ADGRD1: variants seen among roughly 807,000 people sequenced by gnomAD.
The protein encoded by ADGRD1 is adhesion G protein-coupled receptor D1.
In ADGRD1, 77 loss-of-function variants were observed where a neutral mutation model predicts 113.4. The observed-to-expected ratio is 0.68, with a 90% CI of 0.57 to 0.82. The LOEUF (loss-of-function observed/expected upper bound fraction) is 0.82. Ranked by LOEUF, ADGRD1 falls within the 40% of genes least tolerant of loss-of-function variation. ADGRD1 has a pLI of 0.00. For synonymous variants in ADGRD1, 474 were observed against 475.0 expected, an observed-to-expected ratio of 1.00 and a Z score of 0.03; for missense variants, 1,036 against 1,139.1, an observed-to-expected ratio of 0.91 and a Z score of 1.30.
intron 20 of ADGRD1, among the ~76,000 whole-genome samples, chr12:131,122,547 G>T (rs1950624303): frequency 6.6e-6 from 1 of 152,182 alleles, no homozygotes; most frequent in South Asian, 2.1e-4. Flanking sequence ...CAACCAACAT[G>T]CAAAAACGCT....
Position 130,954,446 on chromosome 12 carries a change from C to A in ADGRD1, c.-20C>A. ...CTCAGGAATTTCACTTGGCTCCGAGCTTTGACCTCCGAGAGAGCCATGGAA... is the reference window on the plus strand; with the variant it reads ...CTCAGGAATTTCACTTGGCTCCGAGATTTGACCTCCGAGAGAGCCATGGAA... On this transcript the variant is annotated 5_prime_UTR_variant, in exon 1 of 25. Coordinates refer to ENST00000261654, the MANE Select transcript of ADGRD1 (RefSeq NM_198827.5). This position sits in a 1 kb window ranked among gnomAD's most constrained non-coding sequence, Gnocchi z 4.7. 5.2e-6 allele frequency: 8 copies of A among 1,531,982 alleles called. No individual in the cohort carries two copies. The highest frequency in any genetic ancestry group is 2.6e-5 in the South Asian group (2 of 77,500). The allele number at this position is 1,531,982 out of a possible 1,614,324, so 94.9% of individuals were successfully genotyped here.
intron 4 of ADGRD1, chr12:130,977,294 G>C (rs907780802): frequency 1.3e-5 from 2 of 152,296 alleles, no homozygotes; most frequent in African/African-American, 4.8e-5. Flanking sequence ...AAAGGGGAAA[G>C]GGAAGAATTT....
intron 15 of ADGRD1, among the ~76,000 whole-genome samples, chr12:131,087,316 C>T (rs1399267200): frequency 1.3e-5 from 2 of 152,224 alleles, no homozygotes; most frequent in South Asian, 2.1e-4. Flanking sequence ...TCGGGTCCCT[C>T]GTGCACAGAC....
chr12:130,998,887 G>A (rs912544717), intron 8 of ADGRD1, among the ~76,000 whole-genome samples: 2 of 152,166 alleles, frequency 1.3e-5, no homozygotes, highest in African/African-American at 4.8e-5. Context: ...CGTGTGGCTC[G>A]TCCAACTAGA....
intron 12 of ADGRD1, among the ~76,000 whole-genome samples, chr12:131,010,370 T>C (rs1440230241): frequency 1.3e-5 from 2 of 152,222 alleles, no homozygotes; most frequent in Non-Finnish European, 2.9e-5. Flanking sequence ...TACCAGGGAA[T>C]ATTTTCATTT....
chr12:131,088,205 G>A (rs1886631986), intron 15 of ADGRD1, among the ~76,000 whole-genome samples: 1 of 152,228 alleles, frequency 6.6e-6, no homozygotes, highest in Non-Finnish European at 1.5e-5. Context: ...CTGAGCCCCA[G>A]AGAGAGGGGG....
chr12:131,129,833 A>G (rs959922441), intron 20 of ADGRD1, among the ~76,000 whole-genome samples: 3 of 152,236 alleles, frequency 2.0e-5, no homozygotes, highest in African/African-American at 7.2e-5. Flanking sequence ...GGCACCTTCC[A>G]TCTCCACCTC....
At chr12:131,093,775 C>T (rs1887072313) in intron 15 of ADGRD1, among the ~76,000 whole-genome samples, 1 of 152,248 alleles carries the variant, frequency 6.6e-6, no homozygotes, top group South Asian at 2.1e-4. Context: ...GCCTCCCAGC[C>T]AGCTGGACAC....
chr12:131,137,980 G>A (rs1456498324), intron 23 of ADGRD1, 157 bp from the exon 24 acceptor site: 2 of 649,916 alleles, frequency 3.1e-6, no homozygotes, highest in Non-Finnish European at 5.6e-6. Flanking sequence ...GAGCAGCGAT[G>A]CACAGCTCAG....
chr12:131,139,187 G>T lies in ADGRD1; in HGVS notation c.2549G>T (p.Gly850Val). Residue 850 changes from glycine to valine, a missense_variant, in exon 25 of 25, where the codon GGC becomes GTC. Coordinates refer to ENST00000261654, the MANE Select transcript of ADGRD1 (RefSeq NM_198827.5). ...TTGCAGATGAATGGGACCCGGCCAG[G>T]CATGGCCTCCACCAAGCTCAGCCCT... ...HSDLMNGTRP[G>V]MASTKLSPWD... 1 of 1,613,112 alleles carries T rather than the reference G, an allele frequency of 6.2e-7. No individual in the cohort carries two copies. The highest frequency in any genetic ancestry group is 8.5e-7 in the Non-Finnish European group (1 of 1,179,828).
intron 13 of ADGRD1, among the ~76,000 whole-genome samples, chr12:131,048,421 G>A (rs540761510): frequency 1.3e-4 from 20 of 152,166 alleles, no homozygotes; most frequent in Non-Finnish European, 2.6e-4. Context: ...CTGCACCCCC[G>A]CTGCTACAGC....
chr12:131,029,485 T>C (rs1880360054), intron 13 of ADGRD1, among the ~76,000 whole-genome samples: 1 of 151,874 alleles, frequency 6.6e-6, no homozygotes, highest in African/African-American at 2.4e-5. Flanking sequence ...GGTTAGGTTG[T>C]GGGACTCTCG....
In ADGRD1 at chr12:130,960,281, C is replaced by T. The variant is rs953983093; in HGVS notation, c.103+5621C>T. On this transcript the variant is annotated intron_variant, in intron 2 of 24. Coordinates refer to ENST00000261654, the MANE Select transcript of ADGRD1 (RefSeq NM_198827.5). ...TCCAGCCGTTTCCAGAAGTTTGGGG[C>T]GGCTCACTTCACCCGCTCTATTTAG... Among the ~76,000 whole-genome samples the T allele has an allele frequency of 5.3e-5, 8 of 152,200 alleles. No homozygotes were observed. The South Asian group carries it at 8.3e-4, about 16-fold the overall frequency.
In ADGRD1 at chr12:130,954,561, C is replaced by CA; in HGVS notation, c.66+31dup. On this transcript the variant is annotated intron_variant, in intron 1 of 24. Transcript: ENST00000261654. This position sits in a 1 kb window ranked among gnomAD's most constrained non-coding sequence, Gnocchi z 4.7. ...TGTCCCCAAGTGGCCAGGATGGCGA[C>CA]AGGCTTGGTTTCTCCGGAGGCTTTC... 6.2e-7 allele frequency: 1 copy of CA among 1,613,548 alleles called. No homozygotes were observed.
chr12:131,104,905 G>A lies in ADGRD1; in HGVS notation c.1746G>A (p.Val582=). ...VGCSLSVLCL[V]ATLVTFAVLS... The stretch of plus-strand genomic sequence containing the variant: ...GCTCCCTCTCCGTGCTCTGCCTGGT[G>A]GCCACGCTGGTCACCTTCGCCGTGC... Residue 582 remains valine, a synonymous_variant, in exon 16 of 25, where the codon GTG becomes GTA. Transcript: ENST00000261654. 4.5e-6 allele frequency: 7 copies of A among 1,551,158 alleles called. No homozygotes were observed. Among genetic ancestry groups the A allele is most frequent in the Non-Finnish European group, 6.1e-6 (7 of 1,147,014 alleles).
chr12:131,028,344 G>A (rs987403730), intron 13 of ADGRD1, among the ~76,000 whole-genome samples: 4 of 152,090 alleles, frequency 2.6e-5, no homozygotes, highest in African/African-American at 7.2e-5. Context: ...TGTATTTTGA[G>A]TATGAGTCAT....
At position 131,033,309 on chromosome 12, in the gene ADGRD1, G is replaced by C. The variant is rs190242039; in HGVS notation, c.1473+18969G>C. ...GACTTCCAGGCCGGAGGGGTTTCTA[G>C]AGCTGGTCATTGCTGGGGCCAGGGT... On this transcript the variant is annotated intron_variant, in intron 13 of 24. Transcript: ENST00000261654. Among the ~76,000 whole-genome samples, 38 of 152,338 alleles carry C rather than the reference G, an allele frequency of 2.5e-4. No individual in the cohort carries two copies. The East Asian group carries it at 6.2e-3, about 25-fold the overall frequency.
chr12:131,012,914 C>T (rs555479989), intron 12 of ADGRD1, among the ~76,000 whole-genome samples: 3 of 152,282 alleles, frequency 2.0e-5, no homozygotes, highest in South Asian at 2.1e-4. Context: ...GGCCCGGTGA[C>T]AGCACGTCTC....
intron 20 of ADGRD1, among the ~76,000 whole-genome samples, chr12:131,129,277 T>G (rs1400610860): frequency 1.5e-5 from 2 of 137,334 alleles, no homozygotes; most frequent in African/African-American, 2.8e-5. Context: ...AGGCCGGCCC[T>G]CCTGTCTGGG....
Sources: gnomAD v4.1 joint callset for allele counts (sites outside exome capture counted in the v4.1 genomes callset) on GRCh38, gnomAD v4.1.1 for gene constraint, Gnocchi (gnomAD v3.1) non-coding constraint, MANE v1.5 for transcripts, NCBI Gene and HGNC (gene_info 2026-07-23, HGNC 2026-07-21) for gene names.